Variants in AP4M1 observed in about 807,000 individuals in gnomAD.
The protein encoded by AP4M1 is AP-4 complex subunit mu-1.
AP4M1 carries 58 observed loss-of-function variants against 62.4 expected under a neutral mutation model. That is an observed-to-expected ratio of 0.93 (90% CI 0.75 to 1.16). AP4M1 has a LOEUF of 1.16. Among genes scored for constraint, AP4M1 ranks in the 50% most tolerant of loss-of-function variants. The pLI is 0.00. For missense variants in AP4M1, 626 were observed against 585.4 expected, an observed-to-expected ratio of 1.07 and a Z score of -0.72; for synonymous variants, 290 against 239.7, an observed-to-expected ratio of 1.21 and a Z score of -1.94.
intron 7 of AP4M1, 113 bp from the exon 8 acceptor site, chr7:100,104,761 G>A: frequency 8.8e-7 from 1 of 1,136,494 alleles, no homozygotes; most frequent in Non-Finnish European, 1.3e-6. Context: ...AACCTGGGAG[G>A]TGGAGGTTGC....
At chr7:100,102,840 T>C in intron 3 of AP4M1, 24 bp from the exon 4 acceptor site, 1 of 1,613,804 alleles carries the variant, frequency 6.2e-7, no homozygotes, top group Non-Finnish European at 8.5e-7. Context: ...GAGGAGAAAA[T>C]ACACGCTCCA....
Position 100,108,504 on chromosome 7 carries a change from G to C in AP4M1, c.*1622G>C. The C allele has an allele frequency of 6.2e-7, 1 of 1,613,406 alleles. No individual in the cohort carries two copies. Among genetic ancestry groups the C allele is most frequent in the Non-Finnish European group, 8.5e-7 (1 of 1,179,456 alleles). ...CGATAGGCGTCCTGATTGTCAGGCGGTGGGCGCAGCTTTGCCAGAACAGGA... is the reference window on the plus strand; with the variant it reads ...CGATAGGCGTCCTGATTGTCAGGCGCTGGGCGCAGCTTTGCCAGAACAGGA... On this transcript the variant is annotated 3_prime_UTR_variant, in exon 15 of 15. Transcript: ENST00000359593.
At chr7:100,102,543 T>C (rs1173862067) in intron 2 of AP4M1, 132 bp from the exon 3 acceptor site, 1 of 765,140 alleles carries the variant, frequency 1.3e-6, no homozygotes, top group East Asian at 2.7e-5. Flanking sequence ...CCCAGGCATA[T>C]GTCATGTATC....
chr7:100,106,072 C>T, intron 12 of AP4M1, 69 bp downstream of exon 12: 1 of 1,588,362 alleles, frequency 6.3e-7, no homozygotes, highest in Non-Finnish European at 8.6e-7. Context: ...GCACCTGCTG[C>T]TTCTCCCTTC....
At position 100,106,283 on chromosome 7, in the gene AP4M1, G is replaced by C. The variant is rs1327799067; in HGVS notation, c.1017G>C (p.Gly339=). 6.2e-7 allele frequency: 1 copy of C among 1,613,906 alleles called. No homozygotes were observed. Among genetic ancestry groups the C allele is most frequent in the Non-Finnish European group, 8.5e-7 (1 of 1,180,032 alleles). ...NVRLHLPLPR[G]VVSLSQELSS... ...GGCTGCACCTCCCCCTGCCTCGAGG[G>C]GTGGTCAGGTGAGTGTGTGCACCCA... Residue 339 remains glycine (G), a synonymous_variant, in exon 13 of 15, where the codon GGG becomes GGC. Coordinates refer to ENST00000359593, the MANE Select transcript of AP4M1 (RefSeq NM_004722.4).
chr7:100,104,422 G>C (rs1796300425), intron 7 of AP4M1, among the ~76,000 whole-genome samples: 1 of 152,164 alleles, frequency 6.6e-6, no homozygotes, highest in Admixed American at 6.5e-5. Context: ...TACTTGGGAG[G>C]CTGAGCCAGG....
At chr7:100,105,597 TTC>T in intron 11 of AP4M1, 58 bp downstream of exon 11, 32 of 1,503,452 alleles carry the variant, frequency 2.1e-5, no homozygotes, top group Non-Finnish European at 2.8e-5. Context: ...GACCTGTATG[TTC>T]CCAAGACTCA....
intron 8 of AP4M1, 27 bp downstream of exon 8, chr7:100,104,967 G>A: frequency 6.2e-7 from 1 of 1,614,222 alleles, no homozygotes; most frequent in Non-Finnish European, 8.5e-7. Context: ...CAGGACCAAG[G>A]GTTGGGGTTA....
Position 100,106,822 on chromosome 7 carries a change from C to T in AP4M1, c.1302C>T (p.Ala434=), listed in dbSNP as rs780992785. 3.1e-6 allele frequency: 5 copies of T among 1,613,934 alleles called. No individual in the cohort carries two copies. The highest frequency in any genetic ancestry group is 1.6e-4 in the Middle Eastern group (1 of 6,084). Reference sequence around the variant, plus strand: ...TGGCCTTCAGGCCATGCGGCAATGCCAACCCCCACAAGTGGGTGCGACACC... The same window carrying T: ...TGGCCTTCAGGCCATGCGGCAATGCTAACCCCCACAAGTGGGTGCGACACC... ...LRLAFRPCGN[A]NPHKWVRHLS... Residue 434 remains alanine (A), a synonymous_variant, in exon 15 of 15, where the codon GCC becomes GCT. Transcript: ENST00000359593.
chr7:100,108,108 T>C lies in AP4M1; in HGVS notation c.*1226T>C. The C allele has an allele frequency of 6.2e-7, 1 of 1,604,340 alleles. No homozygotes were observed. Among genetic ancestry groups the C allele is most frequent in the Non-Finnish European group, 8.5e-7 (1 of 1,177,070 alleles). ...CCAGGCTGTGGGGCCTGCGAGAGGG[T>C]CAGCGTGGGCCGGGGCTGCGGGGAG... On this transcript the variant is annotated 3_prime_UTR_variant, in exon 15 of 15. Coordinates refer to ENST00000359593, the MANE Select transcript of AP4M1 (RefSeq NM_004722.4).
At chr7:100,105,851 G>C (rs1274935807) in intron 11 of AP4M1, 108 bp from the exon 12 acceptor site, 8 of 1,330,590 alleles carry the variant, frequency 6.0e-6, no homozygotes. Flanking sequence ...TTTCCCTCTT[G>C]GGAGTACAGC....
At chr7:100,102,540 A>T in intron 2 of AP4M1, 135 bp from the exon 3 acceptor site, 1 of 755,426 alleles carries the variant, frequency 1.3e-6, no homozygotes, top group African/African-American at 1.7e-5. Flanking sequence ...GGGCCCAGGC[A>T]TATGTCATGT....
chr7:100,106,740 T>TCTCCTTC lies in AP4M1; in HGVS notation c.1221_1227dup (p.Glu410LeufsTer120). ...CCTCTGGGGCTGGGCCCTGCCAGTC[T>TCTCCTTC]CTCCTTCGAGCTTCCCCGGCACACG... On this transcript the variant is annotated frameshift_variant, in exon 15 of 15. Coordinates refer to ENST00000359593, the MANE Select transcript of AP4M1 (RefSeq NM_004722.4). LOFTEE classifies it high-confidence loss of function. 2 of 1,613,954 alleles carry TCTCCTTC rather than the reference T, an allele frequency of 1.2e-6. No individual in the cohort carries two copies. The highest frequency in any genetic ancestry group is 1.7e-6 in the Non-Finnish European group (2 of 1,180,028).
chr7:100,107,719 T>C lies in AP4M1; in HGVS notation c.*837T>C, dbSNP rs1796688014. The stretch of plus-strand genomic sequence containing the variant: ...TTCACTCGCTCCCTGCCTGAACAAG[T>C]TGTTCCTGTAGTTCACCCTGTAGAC... On this transcript the variant is annotated 3_prime_UTR_variant, in exon 15 of 15. Coordinates refer to ENST00000359593, the MANE Select transcript of AP4M1 (RefSeq NM_004722.4). 6.6e-7 allele frequency: 1 copy of C among 1,521,098 alleles called. No individual in the cohort carries two copies. The highest frequency in any genetic ancestry group is 2.3e-5 in the Admixed American group (1 of 43,806). 94.2% of individuals were successfully genotyped at this position (1,521,098 alleles called of 1,614,324 possible). A position where few individuals can be genotyped will look rare whatever the true frequency, so the allele number is the denominator to read the frequency against.
intron 2 of AP4M1, chr7:100,102,418 A>T: frequency 4.6e-6 from 2 of 437,868 alleles, no homozygotes; most frequent in South Asian, 2.2e-5. Context: ...GGAAAAAAAA[A>T]AAAAGAGTCA....
Position 100,108,246 on chromosome 7 carries a change from T to C in AP4M1, c.*1364T>C. On this transcript the variant is annotated 3_prime_UTR_variant, in exon 15 of 15. Coordinates refer to ENST00000359593, the MANE Select transcript of AP4M1 (RefSeq NM_004722.4). ...CTCACTAGGGCTGGGGCATCCTCACTCAGGGCCTGGTTGCCCTGAGACTAC... is the reference window on the plus strand; with the variant it reads ...CTCACTAGGGCTGGGGCATCCTCACCCAGGGCCTGGTTGCCCTGAGACTAC... The C allele has an allele frequency of 6.8e-7, 1 of 1,463,000 alleles. No individual in the cohort carries two copies. The highest frequency in any genetic ancestry group is 9.1e-7 in the Non-Finnish European group (1 of 1,102,538). 90.6% of individuals were successfully genotyped at this position (1,463,000 alleles called of 1,614,324 possible).
chr7:100,106,012 G>A lies in AP4M1; in HGVS notation c.974+9G>A, dbSNP rs1188333257. The A allele has an allele frequency of 1.2e-6, 2 of 1,614,030 alleles. No individual in the cohort carries two copies. The highest frequency in any genetic ancestry group is 2.7e-5 in the African/African-American group (2 of 74,938). On this transcript the variant is annotated intron_variant, in intron 12 of 14. Transcript: ENST00000359593. ...GACCTGCTCTCAAAGAGGTAAGAGT[G>A]AGGCTGGCCTGGCTGAGTTCAGCTC...
chr7:100,101,553 G>C (rs1427225976), upstream of AP4M1: 8 of 832,414 alleles, frequency 9.6e-6, no homozygotes, highest in Non-Finnish European at 1.4e-5. Context: ...GGGAATCTCC[G>C]GGCGGGGTAG....
At chr7:100,101,457 G>A, upstream of AP4M1, 1 of 973,958 alleles carries the variant, frequency 1.0e-6, no homozygotes, top group Non-Finnish European at 1.5e-6. Flanking sequence ...ATCGGACAAG[G>A]CGGCCTTCTT....
Sources: gnomAD v4.1 joint callset for allele counts (sites outside exome capture counted in the v4.1 genomes callset) on GRCh38, gnomAD v4.1.1 for gene constraint, MANE v1.5 for transcripts, NCBI Gene and HGNC (gene_info 2026-07-23, HGNC 2026-07-21) for gene names.